LPAR6: variants seen among roughly 807,000 people sequenced by gnomAD.
LPAR6 encodes G-protein coupled purinergic receptor P2Y5.
LPAR6 carries 17 observed loss-of-function variants against 22.0 expected under a neutral mutation model. That is an observed-to-expected ratio of 0.77 (90% CI 0.53 to 1.16). LPAR6 has a LOEUF of 1.16. LPAR6 is among the 50% of genes most tolerant of loss of function. The pLI is 0.00. For missense variants in LPAR6, 384 were observed against 406.9 expected, an observed-to-expected ratio of 0.94 and a Z score of 0.48; for synonymous variants, 136 against 139.8, an observed-to-expected ratio of 0.97 and a Z score of 0.19.
chr13:48,442,237 G>C (rs1256972682), intron 1 of LPAR6, among the ~76,000 whole-genome samples: 1 of 149,364 alleles, frequency 6.7e-6, no homozygotes, highest in African/African-American at 2.5e-5. Context: ...GTCTTGCTCT[G>C]TTGCCCAGGC....
At chr13:48,413,199 AG>A (rs1948848130), upstream of LPAR6, 2 of 167,310 alleles carry the variant, frequency 1.2e-5, no homozygotes, top group South Asian at 4.1e-4. Context: ...CTTTCAGCCC[AG>A]TTTGTTTGCA....
At chr13:48,392,111 TC>T (rs1267563563) in intron 1 of LPAR6, among the ~76,000 whole-genome samples, 1 of 152,090 alleles carries the variant, frequency 6.6e-6, no homozygotes, top group Non-Finnish European at 1.5e-5. Context: ...TTGCCTTGTT[TC>T]TTTTTTTCTT....
chr13:48,421,990 C>A (rs1398314064), intron 2 of LPAR6, among the ~76,000 whole-genome samples: 5 of 152,064 alleles, frequency 3.3e-5, no homozygotes, highest in African/African-American at 4.8e-5. Context: ...CCAGAAATAC[C>A]ATTTGACCCA....
At chr13:48,421,435 A>G (rs1305715810) in intron 2 of LPAR6, among the ~76,000 whole-genome samples, 1 of 152,202 alleles carries the variant, frequency 6.6e-6, no homozygotes, top group East Asian at 1.9e-4. Context: ...CCTAGGCAAT[A>G]CCATTCAGGA....
upstream of LPAR6, among the ~76,000 whole-genome samples, chr13:48,431,351 T>C (rs1264015848): frequency 1.3e-5 from 2 of 152,224 alleles, no homozygotes; most frequent in East Asian, 3.8e-4. Flanking sequence ...TTTTAAGGAC[T>C]AGTGCTATGA....
At chr13:48,400,262 C>G (rs1435567468) in intron 1 of LPAR6, among the ~76,000 whole-genome samples, 2 of 152,026 alleles carry the variant, frequency 1.3e-5, no homozygotes, top group African/African-American at 4.8e-5. Flanking sequence ...GTTAAAAGTG[C>G]TTCAGTGTAT....
downstream of LPAR6, among the ~76,000 whole-genome samples, chr13:48,406,310 C>T (rs1382179953): frequency 6.6e-6 from 1 of 152,010 alleles, no homozygotes; most frequent in Non-Finnish European, 1.5e-5. Flanking sequence ...TCCATGACGG[C>T]CACTGTCCAA....
chr13:48,409,612 C>G (rs1220408288), downstream of LPAR6, among the ~76,000 whole-genome samples: 2 of 114,930 alleles, frequency 1.7e-5, no homozygotes, highest in African/African-American at 6.8e-5. Context: ...GATGGAGTCT[C>G]GCTCTGTCGC....
chr13:48,395,896 T>A lies in LPAR6; in HGVS notation n.115-6084A>T, dbSNP rs549472390. 4.6e-5 allele frequency among the ~76,000 whole-genome samples: 7 copies of A among 152,048 alleles called. No homozygotes were observed. The East Asian group carries it at 1.2e-3, about 25-fold the overall frequency. On this transcript the variant is annotated intron_variant and non_coding_transcript_variant, in intron 1 of 1. Transcript: ENST00000462781. ...AATACAGGGAACACCACAAAGATAC[T>A]CCTCAAGAAGAGGAACCCCAGGACA... is the stretch of plus-strand genomic sequence containing the variant.
intron 1 of LPAR6, among the ~76,000 whole-genome samples, chr13:48,431,996 T>C (rs1949134409): frequency 1.3e-5 from 2 of 152,190 alleles, no homozygotes; most frequent in Non-Finnish European, 2.9e-5. Context: ...CCTGAGCTTA[T>C]ATTTTATTTG....
Position 48,400,512 on chromosome 13 carries a change from AT to A in LPAR6, n.115-10701del, listed in dbSNP as rs576575577. ...TTGCTCATGTTTTATCTGTGTTTGT[AT>A]TTTTGTGTTTGTGAGTGTTACTATG... is the stretch of plus-strand genomic sequence containing the variant. On this transcript the variant is annotated intron_variant and non_coding_transcript_variant, in intron 1 of 1. Transcript: ENST00000462781. Among the ~76,000 whole-genome samples, 3 of 152,140 alleles carry A rather than the reference AT, an allele frequency of 2.0e-5. No individual in the cohort carries two copies. In the South Asian group the frequency reaches 6.2e-4, roughly 32 times the overall value.
At chr13:48,424,832 C>T (rs909092829) in intron 1 of LPAR6, among the ~76,000 whole-genome samples, 1 of 152,070 alleles carries the variant, frequency 6.6e-6, no homozygotes, top group African/African-American at 2.4e-5. Flanking sequence ...GCGGGCAGAC[C>T]TCTTGAGGTC....
At chr13:48,441,931 C>T (rs1255011633) in intron 1 of LPAR6, among the ~76,000 whole-genome samples, 1 of 152,138 alleles carries the variant, frequency 6.6e-6, no homozygotes, top group Non-Finnish European at 1.5e-5. Flanking sequence ...AAATCTTAGT[C>T]ATGAGCATTA....
intron 1 of LPAR6, among the ~76,000 whole-genome samples, chr13:48,425,399 C>T (rs943538373): frequency 6.6e-6 from 1 of 152,206 alleles, no homozygotes; most frequent in South Asian, 2.1e-4. Flanking sequence ...TAATTCTTCA[C>T]ATACAATATA....
At chr13:48,403,227 T>A (rs1345457304) in intron 1 of LPAR6, among the ~76,000 whole-genome samples, 1 of 152,144 alleles carries the variant, frequency 6.6e-6, no homozygotes, top group African/African-American at 2.4e-5. Context: ...CAATTGCTTT[T>A]AAAAATGAAA....
chr13:48,403,613 G>C (rs1373770956), intron 1 of LPAR6, among the ~76,000 whole-genome samples: 1 of 152,142 alleles, frequency 6.6e-6, no homozygotes, highest in Non-Finnish European at 1.5e-5. Flanking sequence ...CTAAAGTGCT[G>C]TTTGGCAATG....
Position 48,437,457 on chromosome 13 carries a change from G to A in LPAR6, c.-1474+7096C>T, listed in dbSNP as rs543355110. 2.0e-5 allele frequency among the ~76,000 whole-genome samples: 3 copies of A among 152,290 alleles called. No individual in the cohort carries two copies. In the South Asian group the frequency reaches 6.2e-4, roughly 32 times the overall value. ...TATCTCACACAAATTCTGAAAGTCG[G>A]GAAACTGGGAGTGGCTTTACTGTGT... On this transcript the variant is annotated intron_variant, in intron 1 of 6. Coordinates refer to the LPAR6 transcript ENST00000378434.
chr13:48,390,689 T>C (rs411862), intron 1 of LPAR6, among the ~76,000 whole-genome samples: 142,292 of 152,256 alleles, frequency 0.93, 66,917 homozygotes, highest in East Asian at 1. Flanking sequence ...TGAATTTACC[T>C]CTTTAATCAT....
At chr13:48,421,277 C>T (rs894937015) in intron 2 of LPAR6, among the ~76,000 whole-genome samples, 14 of 150,082 alleles carry the variant, frequency 9.3e-5, no homozygotes, top group Non-Finnish European at 2.1e-4. Flanking sequence ...CAAAGGATTC[C>T]GTTTAATAAA....
Sources: gnomAD v4.1 joint callset for allele counts (sites outside exome capture counted in the v4.1 genomes callset) on GRCh38, gnomAD v4.1.1 for gene constraint, MANE v1.5 for transcripts, NCBI Gene and HGNC (gene_info 2026-07-23, HGNC 2026-07-21) for gene names.